Variants in CNTN5 observed in about 807,000 individuals in gnomAD.
The protein encoded by CNTN5 is contactin-5.
In CNTN5, 77 loss-of-function variants were observed where a neutral mutation model predicts 129.1. The ratio of observed to expected loss-of-function variants is 0.60; its 90% CI spans 0.50 to 0.72. CNTN5 has a LOEUF of 0.72. Among genes scored for constraint, CNTN5 ranks in the 30% least tolerant of loss-of-function variants. CNTN5 has a pLI of 0.00. For synonymous variants in CNTN5, 509 were observed against 465.6 expected (o/e 1.09, Z -1.20); for missense variants, 1,478 against 1,328.8 (o/e 1.11, Z -1.75).
chr11:99,952,038 G>A (rs1950688971), intron 7 of CNTN5, among the ~76,000 whole-genome samples: 2 of 152,090 alleles, frequency 1.3e-5, no homozygotes, highest in Admixed American at 6.5e-5. Context: ...TCTGCTCTTC[G>A]GAGAGTAATT....
chr11:99,437,551 G>A (rs1432034758), intron 2 of CNTN5, among the ~76,000 whole-genome samples: 3 of 152,158 alleles, frequency 2.0e-5, no homozygotes, highest in Non-Finnish European at 4.4e-5. Flanking sequence ...ATTTGGGCTG[G>A]GTGTTGCGGC....
chr11:99,410,039 C>T (rs1321722612), intron 2 of CNTN5, among the ~76,000 whole-genome samples: 1 of 151,972 alleles, frequency 6.6e-6, no homozygotes, highest in East Asian at 1.9e-4. Context: ...GGTGTTTTGC[C>T]AGGGATATGA....
rs146880292 is a variant in CNTN5 at position 99,050,719 on chromosome 11, T to A, written c.-210+29449T>A. Among the ~76,000 whole-genome samples, 325 of 150,952 alleles carry A rather than the reference T, an allele frequency of 2.2e-3. 1 individual carries two copies. The highest frequency in any genetic ancestry group is 6.7e-3 in the African/African-American group (275 of 41,222). Reference sequence around the variant, plus strand: ...TTACATATATTTAGCAACTTACAATTTTTAGGGGCTTCTTAGAGTTTCAGA... The same window carrying A: ...TTACATATATTTAGCAACTTACAATATTTAGGGGCTTCTTAGAGTTTCAGA... On this transcript the variant is annotated intron_variant, in intron 1 of 24. Transcript: ENST00000524871.
rs1013433341 is a variant in CNTN5, at chr11:99,934,799, T to C, written c.673+18650T>C. ...CTGAGGCAGGAGAATCCCTTGAACA[T>C]GGGAGGCAGAGATTGCAGTGAGCTG... On this transcript the variant is annotated intron_variant, in intron 7 of 24. Coordinates refer to ENST00000524871, the MANE Select transcript of CNTN5 (RefSeq NM_014361.4). Among the ~76,000 whole-genome samples the C allele has an allele frequency of 2.0e-5, 3 of 150,510 alleles. No individual in the cohort carries two copies. In the Admixed American group the frequency reaches 2.0e-4, roughly 10 times the overall value.
chr11:99,976,846 T>G (rs1386642928), intron 8 of CNTN5, among the ~76,000 whole-genome samples: 1 of 152,240 alleles, frequency 6.6e-6, no homozygotes, highest in Non-Finnish European at 1.5e-5. Flanking sequence ...AGCTCCTACT[T>G]AAGCAAATTT....
intron 3 of CNTN5, among the ~76,000 whole-genome samples, chr11:99,567,797 G>A (rs1949055036): frequency 6.6e-6 from 1 of 152,134 alleles, no homozygotes; most frequent in African/African-American, 2.4e-5. Flanking sequence ...TTTATCAGCT[G>A]TGCCCTGGCG....
At chr11:99,800,506 G>C (rs1263934902) in intron 3 of CNTN5, among the ~76,000 whole-genome samples, 1 of 152,012 alleles carries the variant, frequency 6.6e-6, no homozygotes, top group South Asian at 2.1e-4. Flanking sequence ...TTAGTTTTGG[G>C]CCTTGATGAT....
chr11:100,212,962 G>A (rs999139953), intron 15 of CNTN5, among the ~76,000 whole-genome samples: 4 of 151,960 alleles, frequency 2.6e-5, no homozygotes, highest in Non-Finnish European at 5.9e-5. Context: ...TCTCAATGCA[G>A]GAGGAACTTC....
At position 100,341,083 on chromosome 11, in the gene CNTN5, T is replaced by G. The variant is rs906732471; in HGVS notation, c.2918-10T>G. The G allele has an allele frequency of 1.3e-6, 2 of 1,585,524 alleles. No homozygotes were observed. Among genetic ancestry groups the G allele is most frequent in the Non-Finnish European group, 8.7e-7 (1 of 1,155,058 alleles). ...TCCTTGTCAGTTCACTTTCACTTTTTATTTTGCAGCTCCTAGTCAAGCACC... is the reference window on the plus strand; with the variant it reads ...TCCTTGTCAGTTCACTTTCACTTTTGATTTTGCAGCTCCTAGTCAAGCACC... On this transcript the variant is annotated splice_polypyrimidine_tract_variant and intron_variant, in intron 22 of 24. Transcript: ENST00000524871.
chr11:100,280,746 G>T (rs532464244), intron 18 of CNTN5, among the ~76,000 whole-genome samples: 1 of 152,070 alleles, frequency 6.6e-6, no homozygotes. Context: ...TTGTTTTGTG[G>T]TCTATTCTTC....
intron 4 of CNTN5, among the ~76,000 whole-genome samples, chr11:99,832,771 G>C (rs912692398): frequency 6.6e-6 from 1 of 151,966 alleles, no homozygotes; most frequent in African/African-American, 2.4e-5. Flanking sequence ...CATTAAAATG[G>C]CATTTCTTAA....
chr11:99,337,352 A>G (rs192002990), intron 2 of CNTN5, among the ~76,000 whole-genome samples: 1 of 152,348 alleles, frequency 6.6e-6, no homozygotes, highest in Non-Finnish European at 1.5e-5. Flanking sequence ...CACAGCCTTC[A>G]GAGCTGAGAG....
chr11:100,176,851 G>GGT (rs3031275), intron 13 of CNTN5, among the ~76,000 whole-genome samples: 3,744 of 150,246 alleles, frequency 0.025, 138 homozygotes, highest in African/African-American at 0.079. Context: ...CATATAGTAT[G>GGT]GTGTGTGTGT....
chr11:100,347,136 A>G (rs557241888), intron 23 of CNTN5, among the ~76,000 whole-genome samples: 49 of 152,214 alleles, frequency 3.2e-4, no homozygotes, highest in African/African-American at 1.2e-3. Flanking sequence ...TATCAAATAC[A>G]AACAGAGGTT....
At chr11:99,530,230 T>C (rs1947644827) in intron 2 of CNTN5, among the ~76,000 whole-genome samples, 1 of 152,176 alleles carries the variant, frequency 6.6e-6, no homozygotes, top group Admixed American at 6.5e-5. Flanking sequence ...TGTATTTCTC[T>C]CCTTAAGATA....
intron 1 of CNTN5, among the ~76,000 whole-genome samples, chr11:99,082,192 T>G (rs1210227611): frequency 1.4e-5 from 2 of 146,114 alleles, no homozygotes; most frequent in African/African-American, 4.9e-5. Flanking sequence ...CAAAAGCTTT[T>G]TTTTTTTTTT....
At chr11:100,206,186 C>A (rs1301290723) in intron 15 of CNTN5, among the ~76,000 whole-genome samples, 1 of 151,984 alleles carries the variant, frequency 6.6e-6, no homozygotes, top group East Asian at 1.9e-4. Context: ...GTTACCTGTG[C>A]CTACTCTTAA....
intron 23 of CNTN5, among the ~76,000 whole-genome samples, chr11:100,343,405 G>A (rs181803571): frequency 1.2e-3 from 185 of 149,862 alleles, no homozygotes; most frequent in African/African-American, 4.2e-3. Flanking sequence ...AAACCTTATC[G>A]GAACCTTTCT....
intron 13 of CNTN5, among the ~76,000 whole-genome samples, chr11:100,180,112 C>T (rs1387293781): frequency 1.3e-5 from 2 of 151,924 alleles, no homozygotes; most frequent in Admixed American, 6.6e-5. Context: ...ACAGAAAATA[C>T]AATTATAGGC....
Sources: gnomAD v4.1 joint callset for allele counts (sites outside exome capture counted in the v4.1 genomes callset) on GRCh38, gnomAD v4.1.1 for gene constraint, MANE v1.5 for transcripts, NCBI Gene and HGNC (gene_info 2026-07-23, HGNC 2026-07-21) for gene names.